The following NFIB variants were observed in gnomAD, a reference collection of about 807,000 sequenced individuals.
NFIB encodes the protein nuclear factor 1 B-type.
A neutral mutation model predicts 61.5 loss-of-function variants in NFIB; 11 were observed. The observed-to-expected ratio is 0.18, with a 90% confidence interval of 0.11 to 0.30. The LOEUF is 0.30. Ranked by LOEUF, NFIB falls within the 10% of genes least tolerant of loss-of-function variation. NFIB has a pLI of 1.00. For missense variants in NFIB, 471 were observed against 608.9 expected, an observed-to-expected ratio of 0.77 and a Z score of 2.38; for synonymous variants, 260 against 216.5, an observed-to-expected ratio of 1.20 and a Z score of -1.76.
the NFIB span, among the ~76,000 whole-genome samples, chr9:14,475,535 C>T: frequency 3.3e-5 from 5 of 152,160 alleles, no homozygotes; most frequent in Non-Finnish European, 7.4e-5. Flanking sequence ...CCCACTGCTT[C>T]CTGTCCTTCA....
At chr9:14,210,702 G>C (rs1272048674) in intron 2 of NFIB, among the ~76,000 whole-genome samples, 1 of 151,970 alleles carries the variant, frequency 6.6e-6, no homozygotes, top group Non-Finnish European at 1.5e-5. Context: ...AAGCAGAAGA[G>C]ATGATTACTA....
chr9:14,142,471 A>G (rs1411423140), intron 6 of NFIB, among the ~76,000 whole-genome samples: 1 of 152,134 alleles, frequency 6.6e-6, no homozygotes, highest in African/African-American at 2.4e-5. Flanking sequence ...ATGGACTAAC[A>G]CACTGAGCAA....
intron 2 of NFIB, among the ~76,000 whole-genome samples, chr9:14,260,631 A>G (rs2056659861): frequency 6.6e-6 from 1 of 152,212 alleles, no homozygotes; most frequent in African/African-American, 2.4e-5. Flanking sequence ...ATGCACAGCT[A>G]AGGTAACATG....
chr9:14,220,919 C>T (rs73645016), intron 2 of NFIB, among the ~76,000 whole-genome samples: 1 of 148,632 alleles, frequency 6.7e-6, no homozygotes, highest in Non-Finnish European at 1.5e-5. Context: ...CCTCTCACCC[C>T]CTCCCAAGGA....
intron 6 of NFIB, among the ~76,000 whole-genome samples, chr9:14,141,816 A>C (rs2041736121): frequency 6.7e-6 from 1 of 149,112 alleles, no homozygotes; most frequent in African/African-American, 2.5e-5. Flanking sequence ...AGAAATCCCC[A>C]GCTGAGGGCA....
rs998189580 is a variant in NFIB, at chr9:14,188,857, G to C, written c.563-9077C>G. On this transcript the variant is annotated intron_variant, in intron 2 of 10. Coordinates refer to ENST00000380953, the MANE Select transcript of NFIB (RefSeq NM_001190737.2). ...AAACCTGCATTTTACAACAAGGTAT[G>C]TAGTGCAAAGAAAATGCTGGTGAAA... Among the ~76,000 whole-genome samples the C allele has an allele frequency of 5.3e-4, 81 of 152,186 alleles. 1 individual carries two copies. Among genetic ancestry groups the C allele is most frequent in the Non-Finnish European group, 7.8e-4 (53 of 68,032 alleles).
In NFIB at chr9:14,098,230, G is replaced by A. The variant is rs570809605; in HGVS notation, c.1468-9904C>T. On this transcript the variant is annotated intron_variant, in intron 10 of 10. Transcript: ENST00000380953. The stretch of plus-strand genomic sequence containing the variant: ...GTGTAAACATATCCTTTGGTAACAC[G>A]CGCATGTTTATTTTAGCCATCTGAA... Among the ~76,000 whole-genome samples the A allele has an allele frequency of 1.8e-4, 28 of 152,220 alleles. No individual in the cohort carries two copies. In the South Asian group the frequency reaches 4.8e-3, roughly 26 times the overall value.
chr9:14,414,296 G>A, the NFIB span, among the ~76,000 whole-genome samples: 2 of 151,826 alleles, frequency 1.3e-5, no homozygotes, highest in Non-Finnish European at 2.9e-5. Flanking sequence ...TTAGCTGGGC[G>A]TGGTGGCATG....
At chr9:14,279,664 T>C (rs768671323) in intron 2 of NFIB, among the ~76,000 whole-genome samples, 2 of 152,190 alleles carry the variant, frequency 1.3e-5, no homozygotes, top group African/African-American at 2.4e-5. Context: ...GGCCACAACA[T>C]GTACTGCTGC....
chr9:14,288,746 G>C (rs1177748100), intron 2 of NFIB, among the ~76,000 whole-genome samples: 1 of 151,964 alleles, frequency 6.6e-6, no homozygotes, highest in Non-Finnish European at 1.5e-5. Context: ...CATAAACACT[G>C]CAAGTGACCA....
Position 14,084,150 on chromosome 9 carries a change from T to C in NFIB, c.*4159A>G, listed in dbSNP as rs2032465951. The C allele has an allele frequency of 4.9e-6, 1 of 202,476 alleles. No homozygotes were observed. The allele number at this position is 202,476 out of a possible 1,614,324, so 12.5% of individuals were successfully genotyped here. ...TCCTAACATGGACAGATTTTCTTTTTAATACATAACTTAAGAGACTGGAGA... is the reference window on the plus strand; with the variant it reads ...TCCTAACATGGACAGATTTTCTTTTCAATACATAACTTAAGAGACTGGAGA... On this transcript the variant is annotated 3_prime_UTR_variant, in exon 11 of 11. Coordinates refer to ENST00000380953, the MANE Select transcript of NFIB (RefSeq NM_001190737.2).
intron 1 of NFIB, among the ~76,000 whole-genome samples, chr9:14,347,151 T>TAA (rs3081608): frequency 5.6e-5 from 8 of 142,176 alleles, no homozygotes; most frequent in African/African-American, 1.5e-4. Context: ...GGTGGGATCT[T>TAA]AAAAAAAAAA....
chr9:14,085,954 C>T lies in NFIB; in HGVS notation c.*2355G>A, dbSNP rs1046503879. 6 of 229,040 alleles carry T rather than the reference C, an allele frequency of 2.6e-5. No individual in the cohort carries two copies. The highest frequency in any genetic ancestry group is 6.6e-5 in the African/African-American group (3 of 45,134). 14.2% of individuals were successfully genotyped at this position (229,040 alleles called of 1,614,324 possible). A position where few individuals can be genotyped will look rare whatever the true frequency, so the allele number is the denominator to read the frequency against. On this transcript the variant is annotated 3_prime_UTR_variant, in exon 11 of 11. Coordinates refer to ENST00000380953, the MANE Select transcript of NFIB (RefSeq NM_001190737.2). ...CCAAATATGAGACAGGCTCACTCTC[C>T]ACTGTGGATCTGGAACTTTCAAGAA...
chr9:14,216,544 C>CTGTGTGTG (rs1563911463), intron 2 of NFIB, among the ~76,000 whole-genome samples: 6 of 12,934 alleles, frequency 4.6e-4, no homozygotes, highest in East Asian at 1.9e-3. Flanking sequence ...CTCTCTCTCC[C>CTGTGTGTG]TCTGTGTGTG....
intron 1 of NFIB, among the ~76,000 whole-genome samples, chr9:14,393,823 T>A (rs1483767018): frequency 6.6e-6 from 1 of 152,240 alleles, no homozygotes; most frequent in Admixed American, 6.5e-5. Context: ...GGTTTGTTTT[T>A]GTATAATTAT....
intron 1 of NFIB, among the ~76,000 whole-genome samples, chr9:14,386,384 T>G (rs2061549018): frequency 6.6e-6 from 1 of 152,134 alleles, no homozygotes; most frequent in South Asian, 2.1e-4. Flanking sequence ...ACTCTGCCCC[T>G]AGCAAAAGTC....
At position 14,113,038 on chromosome 9, in the gene NFIB, T is replaced by A. The variant is rs1457289607; in HGVS notation, c.1428A>T (p.Gly476=). The change falls in exon 10 of 11, where the codon GGA becomes GGT. Residue 476 remains glycine, a synonymous_variant. Transcript: ENST00000380953. ...GGAAGGATGGGTCTCTTGGGCTTAG[T>A]CCCACATATCGATTGGCTTGAGATG... ...SGTSQANRYV[G]LSPRDPSFLH... is the part of the protein sequence containing the mutation. 23 of 1,550,244 alleles carry A rather than the reference T, an allele frequency of 1.5e-5. No homozygotes were observed. Among genetic ancestry groups the A allele is most frequent in the Non-Finnish European group, 2.0e-5 (23 of 1,146,876 alleles).
chr9:14,485,690 C>G, the NFIB span, among the ~76,000 whole-genome samples: 10 of 152,262 alleles, frequency 6.6e-5, no homozygotes, highest in East Asian at 1.5e-3. Flanking sequence ...GCTTGGCTAA[C>G]ATGCTGAAAC....
intron 10 of NFIB, among the ~76,000 whole-genome samples, chr9:14,111,486 G>A (rs1466943159): frequency 1.3e-5 from 2 of 152,098 alleles, no homozygotes; most frequent in Non-Finnish European, 2.9e-5. Flanking sequence ...GTGTCATAAA[G>A]AATAATGCAA....
Sources: allele counts gnomAD v4.1 joint callset (sites outside exome capture counted in the v4.1 genomes callset), GRCh38; gene constraint gnomAD v4.1.1; transcripts MANE v1.5; gene names NCBI Gene and HGNC (gene_info 2026-07-23, HGNC 2026-07-21).